The following LRRC23 variants were observed in gnomAD, a reference collection of about 807,000 sequenced individuals.
The protein encoded by LRRC23 is leucine-rich repeat-containing protein 23.
A neutral mutation model predicts 37.7 loss-of-function variants in LRRC23; 28 were observed. The observed-to-expected ratio is 0.74, with a 90% CI of 0.55 to 1.02. The LOEUF (loss-of-function observed/expected upper bound fraction) is 1.02, where lower values mean the gene tolerates loss of function less well. LRRC23 is among the 50% of genes least tolerant of loss of function. The probability of loss-of-function intolerance (pLI) is 0.00; values close to 1 mark genes in which losing one functional copy is unlikely to be tolerated. For synonymous variants in LRRC23, 161 were observed against 165.4 expected (o/e 0.97, Z 0.20); for missense variants, 377 against 413.2 (o/e 0.91, Z 0.76).
chr12:6,905,551 G>A, intron 1 of LRRC23, 34 bp from the exon 2 acceptor site: 1 of 1,447,250 alleles, frequency 6.9e-7, no homozygotes, highest in Non-Finnish European at 9.6e-7. Flanking sequence ...AGGAGCTGAA[G>A]GCTGGCAGAA....
In LRRC23 at chr12:6,913,997, C is replaced by T; in HGVS notation, c.*131C>T. On this transcript the variant is annotated 3_prime_UTR_variant, in exon 8 of 8. Coordinates refer to ENST00000443597, the MANE Select transcript of LRRC23 (RefSeq NM_001135217.2). ...TGTTTTTGCCCCAAAGCTGGAAATTCATCACAACCTGAGGCCCAGGATCTG... is the reference window on the plus strand; with the variant it reads ...TGTTTTTGCCCCAAAGCTGGAAATTTATCACAACCTGAGGCCCAGGATCTG... 6.2e-7 allele frequency: 1 copy of T among 1,613,954 alleles called. No individual in the cohort carries two copies. The highest frequency in any genetic ancestry group is 8.5e-7 in the Non-Finnish European group (1 of 1,179,920).
chr12:6,905,500 G>A (rs1944918315), intron 1 of LRRC23, 85 bp from the exon 2 acceptor site: 1 of 822,014 alleles, frequency 1.2e-6, no homozygotes, highest in African/African-American at 1.7e-5. Flanking sequence ...TGGGTCAGAA[G>A]TCATGGGGGT....
rs1565555671 is a variant in LRRC23 at position 6,912,711 on chromosome 12, C to T, written c.759-19C>T. Reference sequence around the variant, plus strand: ...AAGCCCATTATTCCTGCATGAACCCCTCCTGACCACACTGGCAGGGGCAAC... The same window carrying T: ...AAGCCCATTATTCCTGCATGAACCCTTCCTGACCACACTGGCAGGGGCAAC... On this transcript the variant is annotated intron_variant, in intron 6 of 7. Coordinates refer to ENST00000443597, the MANE Select transcript of LRRC23 (RefSeq NM_001135217.2). 1 of 1,611,900 alleles carries T rather than the reference C, an allele frequency of 6.2e-7. No homozygotes were observed.
chr12:6,910,149 C>A (rs1349270080), intron 6 of LRRC23, 123 bp downstream of exon 6: 11 of 941,916 alleles, frequency 1.2e-5, no homozygotes, highest in Admixed American at 2.8e-5. Context: ...AAGGAAAGCC[C>A]GGCTTTCCTT....
Position 6,905,776 on chromosome 12 carries a change from G to A in LRRC23, c.126+17G>A. ...CCTGAGGAAGTGAGAGCCTGGACAAGGAGGGGTCCTAGGGCTGAAGGAGGG... is the reference window on the plus strand; with the variant it reads ...CCTGAGGAAGTGAGAGCCTGGACAAAGAGGGGTCCTAGGGCTGAAGGAGGG... On this transcript the variant is annotated intron_variant, in intron 2 of 7. Coordinates refer to ENST00000443597, the MANE Select transcript of LRRC23 (RefSeq NM_001135217.2). The A allele has an allele frequency of 6.2e-7, 1 of 1,613,264 alleles. No homozygotes were observed. The highest frequency in any genetic ancestry group is 8.5e-7 in the Non-Finnish European group (1 of 1,179,492).
rs1264548752 is a variant in LRRC23 at position 6,913,565 on chromosome 12, T to G, written c.*25-326T>G. Among the ~76,000 whole-genome samples the G allele has an allele frequency of 2.3e-4, 29 of 124,538 alleles. 1 individual carries two copies. The highest frequency in any genetic ancestry group is 7.9e-4 in the African/African-American group (25 of 31,650). The allele number at this position is 124,538 out of a possible 152,430, so 81.7% of individuals were successfully genotyped here. ...TATTTACCTCTGTTTGTTTTTTTTTTTTTTTTTTTTTTTTTTTTGCGAGGT... is the reference window on the plus strand; with the variant it reads ...TATTTACCTCTGTTTGTTTTTTTTTGTTTTTTTTTTTTTTTTTTGCGAGGT... On this transcript the variant is annotated intron_variant, in intron 7 of 7. Coordinates refer to ENST00000443597, the MANE Select transcript of LRRC23 (RefSeq NM_001135217.2).
chr12:6,905,673 C>T lies in LRRC23; in HGVS notation c.40C>T (p.Gln14Ter). 1 of 1,613,022 alleles carries T rather than the reference C, an allele frequency of 6.2e-7. No homozygotes were observed. Among genetic ancestry groups the T allele is most frequent in the South Asian group, 1.1e-5 (1 of 91,048 alleles). The change falls in exon 2 of 8, where the codon CAG becomes TAG. Residue 14 changes from glutamine to a stop codon, truncating the protein, a stop_gained. Coordinates refer to ENST00000443597, the MANE Select transcript of LRRC23 (RefSeq NM_001135217.2). LOFTEE classifies it high-confidence loss of function. ...TGATCTAGAAGACTCTGAGCCAGAC[C>T]AGGATGATTCTGAGAAAGAAGAGGA... ...EDDLEDSEPDQDDSEKEEDEK... is the reference protein window; with the variant it reads ...EDDLEDSEPD
chr12:6,913,581 T>TTTTTTTG, intron 7 of LRRC23, among the ~76,000 whole-genome samples: 1 of 139,778 alleles, frequency 7.2e-6, no homozygotes. Flanking sequence ...TTTTTTTTTT[T>TTTTTTTG]TTGCGAGGTA....
intron 5 of LRRC23, 123 bp from the exon 6 acceptor site, chr12:6,909,767 C>T (rs782105358): frequency 2.2e-5 from 19 of 867,466 alleles, no homozygotes; most frequent in South Asian, 1.0e-4. Flanking sequence ...CACCCCCACT[C>T]CTTTCTTCCA....
chr12:6,909,781 CT>C lies in LRRC23; in HGVS notation c.622-108del, dbSNP rs1945113574. 1.5e-5 allele frequency: 15 copies of C among 1,031,954 alleles called. No individual in the cohort carries two copies. The South Asian group carries it at 2.2e-4, about 15-fold the overall frequency. The allele number at this position is 1,031,954 out of a possible 1,614,324, so 63.9% of individuals were successfully genotyped here. On this transcript the variant is annotated intron_variant, in intron 5 of 7. Transcript: ENST00000443597. ...TCACCCCCACTCCTTTCTTCCACTC[CT>C]CCCTCTCTACCTCTTGGATTTCCTC...
At position 6,905,662 on chromosome 12, in the gene LRRC23, C is replaced by G. The variant is rs781892949; in HGVS notation, c.29C>G (p.Ser10Cys). The change falls in exon 2 of 8, where the codon TCT becomes TGT. Residue 10 changes from serine to cysteine, a missense_variant. By Grantham distance (112) the Ser-to-Cys change is moderately radical. Around this residue, in one of 3 missense-constraint regions of LRRC23, gnomAD observed 106 missense variants for 105.9 expected, o/e 1.00. Coordinates refer to ENST00000443597, the MANE Select transcript of LRRC23 (RefSeq NM_001135217.2). MSDEDDLED[S>C]EPDQDDSEKE... ...TCAGATGAAGATGATCTAGAAGACT[C>G]TGAGCCAGACCAGGATGATTCTGAG... is the stretch of plus-strand genomic sequence containing the variant. 5 of 1,613,718 alleles carry G rather than the reference C, an allele frequency of 3.1e-6. No homozygotes were observed. The highest frequency in any genetic ancestry group is 4.2e-6 in the Non-Finnish European group (5 of 1,179,926).
At chr12:6,907,704 A>G in intron 5 of LRRC23, 1 of 596,658 alleles carries the variant, frequency 1.7e-6, no homozygotes, top group Non-Finnish European at 3.0e-6. Flanking sequence ...TGAGGTACAA[A>G]CATCAGTCTG....
Position 6,905,860 on chromosome 12 carries a change from C to A in LRRC23, c.142C>A (p.Leu48Ile), listed in dbSNP as rs781879294. ...EFPEEWLPTPLTEDMMKEGLS... is the reference protein window; with the variant it reads ...EFPEEWLPTPITEDMMKEGLS... ...CTACCTGCAGTGGCTGCCCACCCCC[C>A]TCACGGAGGACATGATGAAGGAAGG... is the stretch of plus-strand genomic sequence containing the variant. The change falls in exon 3 of 8, where the codon CTC becomes ATC. Residue 48 changes from leucine (L) to isoleucine (I), a missense_variant. This residue lies in a region of LRRC23 where 106 missense variants were observed against 105.9 expected (regional missense o/e 1.00). Transcript: ENST00000443597. 22 of 1,613,852 alleles carry A rather than the reference C, an allele frequency of 1.4e-5. No homozygotes were observed. The Admixed American group carries it at 3.3e-4, about 24-fold the overall frequency.
Position 6,909,088 on chromosome 12 carries a change from TA to T in LRRC23, c.622-801del, listed in dbSNP as rs1565553378. Among the ~76,000 whole-genome samples the T allele has an allele frequency of 3.0e-4, 13 of 42,754 alleles. 1 individual carries two copies. Among genetic ancestry groups the T allele is most frequent in the South Asian group, 2.8e-3 (5 of 1,756 alleles). The allele number at this position is 42,754 out of a possible 152,430, so 28.0% of individuals were successfully genotyped here. ...AAATATATATTATATATTATATAAT[TA>T]TATATTATATATAATATATAATTAC... On this transcript the variant is annotated intron_variant, in intron 5 of 7. Transcript: ENST00000443597.
Position 6,906,456 on chromosome 12 carries a change from A to G in LRRC23, c.284A>G (p.Tyr95Cys). 1 of 1,614,170 alleles carries G rather than the reference A, an allele frequency of 6.2e-7. No homozygotes were observed. The highest frequency in any genetic ancestry group is 8.5e-7 in the Non-Finnish European group (1 of 1,180,024). Reference sequence around the variant, plus strand: ...CTGCGCTCCTACATCCATCTGCGCTATGTGGATATTTCTGAGAACCACCTG... The same window carrying G: ...CTGCGCTCCTACATCCATCTGCGCTGTGTGGATATTTCTGAGAACCACCTG... The part of the protein sequence containing the change: ...YLLRSYIHLR[Y>C]VDISENHLTD... Residue 95 changes from tyrosine (Y) to cysteine (C), a missense_variant, in exon 4 of 8, where the codon TAT (tyrosine) becomes TGT (cysteine). By Grantham distance (194) the Tyr-to-Cys change is radical. Transcript: ENST00000443597.
chr12:6,914,079 C>T lies in LRRC23; in HGVS notation c.*213C>T. On this transcript the variant is annotated 3_prime_UTR_variant, in exon 8 of 8. Coordinates refer to ENST00000443597, the MANE Select transcript of LRRC23 (RefSeq NM_001135217.2). The surrounding 1 kb of genome is among the most constrained non-coding windows in gnomAD (Gnocchi z 7.1). ...GCAGAATGGGGTGCCTAGGCCTGAG[C>T]GTTGCCTGGAGCCTAGGCCGGGGGC... 1.3e-6 allele frequency: 2 copies of T among 1,550,660 alleles called. No individual in the cohort carries two copies. The highest frequency in any genetic ancestry group is 1.7e-6 in the Non-Finnish European group (2 of 1,151,732).
At chr12:6,907,268 T>C in intron 4 of LRRC23, 47 bp from the exon 5 acceptor site, 2 of 1,607,374 alleles carry the variant, frequency 1.2e-6, no homozygotes, top group Non-Finnish European at 1.7e-6. Flanking sequence ...GCTCTAATGC[T>C]GAGCATTTGG....
rs1011272506 is a variant in LRRC23, at chr12:6,906,078, G to A, written c.236+124G>A. 4 of 872,588 alleles carry A rather than the reference G, an allele frequency of 4.6e-6. No individual in the cohort carries two copies. The African/African-American group carries it at 6.7e-5, about 15-fold the overall frequency. 54.1% of individuals were successfully genotyped at this position (872,588 alleles called of 1,614,324 possible). On this transcript the variant is annotated intron_variant, in intron 3 of 7. Coordinates refer to ENST00000443597, the MANE Select transcript of LRRC23 (RefSeq NM_001135217.2). ...TTCTCATGCCTAGTGGAAAGGGAAG[G>A]ACAGAATTTACTTTTCAGGAGCTCT... is the stretch of plus-strand genomic sequence containing the variant.
Position 6,904,841 on chromosome 12 carries a change from G to C in LRRC23, c.-284G>C, listed in dbSNP as rs1944901263. 6.6e-6 allele frequency: 1 copy of C among 152,300 alleles called. No homozygotes were observed. The highest frequency in any genetic ancestry group is 2.1e-4 in the South Asian group (1 of 4,838). The allele number at this position is 152,300 out of a possible 1,614,324, so 9.4% of individuals were successfully genotyped here. On this transcript the variant is annotated 5_prime_UTR_variant, in exon 1 of 8. Coordinates refer to ENST00000443597, the MANE Select transcript of LRRC23 (RefSeq NM_001135217.2). ...CGCCTCATCCGGGTTCCCGGGACGGGAAAGTGGCGTGGTAACCAGGCAACT... is the reference window on the plus strand; with the variant it reads ...CGCCTCATCCGGGTTCCCGGGACGGCAAAGTGGCGTGGTAACCAGGCAACT...
Sources: gnomAD v4.1 joint callset for allele counts (sites outside exome capture counted in the v4.1 genomes callset) on GRCh38, gnomAD v4.1.1 for gene constraint, gnomAD v4.1.1 regional missense constraint, Gnocchi (gnomAD v3.1) non-coding constraint, MANE v1.5 for transcripts, NCBI Gene and HGNC (gene_info 2026-07-23, HGNC 2026-07-21) for gene names.